The following HS2ST1 variants were observed in gnomAD, a reference collection of about 807,000 sequenced individuals.
HS2ST1 encodes 2-O-sulfotransferase.
HS2ST1 carries 18 observed loss-of-function variants against 42.9 expected under a neutral mutation model. That is an observed-to-expected ratio of 0.42 (90% CI 0.29 to 0.62). HS2ST1 has a LOEUF of 0.62. Among genes scored for constraint, HS2ST1 ranks in the 20% least tolerant of loss-of-function variants. HS2ST1 has a pLI of 0.21. For missense variants in HS2ST1, 334 were observed against 433.8 expected (o/e 0.77, Z 2.04); for synonymous variants, 146 against 152.9 (o/e 0.95, Z 0.33).
At chr1:87,038,275 G>C (rs1027816238) in intron 1 of HS2ST1, among the ~76,000 whole-genome samples, 1 of 152,022 alleles carries the variant, frequency 6.6e-6, no homozygotes, top group African/African-American at 2.4e-5. Flanking sequence ...GATGGGCAAA[G>C]TCTATCACTA....
intron 1 of HS2ST1, among the ~76,000 whole-genome samples, chr1:86,968,241 G>T (rs771867155): frequency 3.3e-5 from 5 of 152,120 alleles, no homozygotes; most frequent in Non-Finnish European, 7.4e-5. Context: ...TGGGTTGTCT[G>T]TACATTCTGA....
At chr1:87,031,021 C>G (rs1036093481) in intron 1 of HS2ST1, among the ~76,000 whole-genome samples, 2 of 152,126 alleles carry the variant, frequency 1.3e-5, no homozygotes, top group Non-Finnish European at 2.9e-5. Flanking sequence ...CTCACTGAAG[C>G]CTTGATCTCC....
intron 4 of HS2ST1, among the ~76,000 whole-genome samples, chr1:87,097,550 C>T (rs779792193): frequency 8.5e-5 from 13 of 152,114 alleles, no homozygotes; most frequent in Non-Finnish European, 1.8e-4. Context: ...CGTGCTACCA[C>T]GCCCAGCTAA....
intron 1 of HS2ST1, among the ~76,000 whole-genome samples, chr1:86,924,313 T>C (rs560923029): frequency 6.6e-6 from 1 of 152,256 alleles, no homozygotes; most frequent in African/African-American, 2.4e-5. Flanking sequence ...TGGCATTGAG[T>C]GTCTGTGGCT....
chr1:86,923,800 TC>T (rs1246235679), intron 1 of HS2ST1, among the ~76,000 whole-genome samples: 1 of 152,096 alleles, frequency 6.6e-6, no homozygotes, highest in Admixed American at 6.6e-5. Flanking sequence ...TCCCACCAGG[TC>T]CCTCCCACAA....
At chr1:87,040,537 C>T (rs999786841) in intron 1 of HS2ST1, among the ~76,000 whole-genome samples, 1 of 152,098 alleles carries the variant, frequency 6.6e-6, no homozygotes, top group African/African-American at 2.4e-5. Flanking sequence ...TTGACTCCGC[C>T]AAGGTGCTTT....
At chr1:87,060,713 G>A (rs958784085) in intron 1 of HS2ST1, among the ~76,000 whole-genome samples, 3 of 152,102 alleles carry the variant, frequency 2.0e-5, no homozygotes, top group Non-Finnish European at 4.4e-5. Context: ...ATAAAAGAAG[G>A]TTATAACTTA....
chr1:87,066,950 T>G (rs1311635810), intron 1 of HS2ST1, among the ~76,000 whole-genome samples: 1 of 152,228 alleles, frequency 6.6e-6, no homozygotes, highest in East Asian at 1.9e-4. Flanking sequence ...TGTGCCACAT[T>G]TTCTTTATCC....
chr1:87,001,500 C>T (rs1325091589), intron 1 of HS2ST1, among the ~76,000 whole-genome samples: 2 of 152,130 alleles, frequency 1.3e-5, no homozygotes, highest in Non-Finnish European at 2.9e-5. Flanking sequence ...AGACAGTTTT[C>T]CTCTGAAAAT....
intron 1 of HS2ST1, among the ~76,000 whole-genome samples, chr1:87,029,441 C>T (rs1280041721): frequency 6.6e-6 from 1 of 151,976 alleles, no homozygotes; most frequent in Non-Finnish European, 1.5e-5. Flanking sequence ...AAAATATTGT[C>T]CCAGAAATCA....
intron 1 of HS2ST1, among the ~76,000 whole-genome samples, chr1:87,051,882 T>A (rs190315927): frequency 6.6e-6 from 1 of 152,216 alleles, no homozygotes. Flanking sequence ...TGTGACTAAT[T>A]TTTAAAGATT....
At chr1:86,953,024 A>G (rs889231250) in intron 1 of HS2ST1, among the ~76,000 whole-genome samples, 2 of 152,196 alleles carry the variant, frequency 1.3e-5, no homozygotes, top group African/African-American at 2.4e-5. Context: ...TGGAAAATCT[A>G]TAGTTTATTG....
intron 1 of HS2ST1, among the ~76,000 whole-genome samples, chr1:87,053,162 G>C (rs1482917274): frequency 6.6e-6 from 1 of 152,216 alleles, no homozygotes; most frequent in African/African-American, 2.4e-5. Context: ...AGCTGGAGTT[G>C]AATCCTAGTT....
chr1:86,993,786 A>G (rs1649023610), intron 1 of HS2ST1, among the ~76,000 whole-genome samples: 1 of 152,178 alleles, frequency 6.6e-6, no homozygotes, highest in South Asian at 2.1e-4. Flanking sequence ...GGACTTGCTT[A>G]AATAGTATCT....
intron 4 of HS2ST1, 59 bp from the exon 5 acceptor site, chr1:87,097,779 T>A: frequency 6.3e-7 from 1 of 1,593,336 alleles, no homozygotes; most frequent in African/African-American, 1.3e-5. Flanking sequence ...CCACATTAGA[T>A]ATTTGATAGG....
At chr1:87,098,159 GT>G in intron 5 of HS2ST1, 1 of 964,556 alleles carries the variant, frequency 1.0e-6, no homozygotes, top group South Asian at 4.4e-5. Context: ...TGAGATGCCG[GT>G]TTTTAGTATT....
intron 1 of HS2ST1, among the ~76,000 whole-genome samples, chr1:86,970,546 G>A (rs970484181): frequency 7.2e-5 from 11 of 151,986 alleles, no homozygotes; most frequent in African/African-American, 1.9e-4. Flanking sequence ...GACTACAGGC[G>A]TGCACCACCA....
chr1:87,059,505 G>T lies in HS2ST1; in HGVS notation c.125-13429G>T, dbSNP rs1257552930. ...AATTTATAAAGAGATGAGGGATGATGAGATTAATGTCTTAATAAAGCTCAA... is the reference window on the plus strand; with the variant it reads ...AATTTATAAAGAGATGAGGGATGATTAGATTAATGTCTTAATAAAGCTCAA... On this transcript the variant is annotated intron_variant, in intron 1 of 6. Transcript: ENST00000370550. Among the ~76,000 whole-genome samples, 8 of 152,172 alleles carry T rather than the reference G, an allele frequency of 5.3e-5. No homozygotes were observed. The East Asian group carries it at 1.5e-3, about 29-fold the overall frequency.
intron 1 of HS2ST1, among the ~76,000 whole-genome samples, chr1:86,922,111 G>A (rs538715003): frequency 2.5e-4 from 38 of 149,782 alleles, no homozygotes; most frequent in Non-Finnish European, 5.5e-4. Flanking sequence ...GGATTAAAGG[G>A]GTATTTTTAA....
Sources: allele counts gnomAD v4.1 joint callset (sites outside exome capture counted in the v4.1 genomes callset), GRCh38; gene constraint gnomAD v4.1.1; transcripts MANE v1.5; gene names NCBI Gene and HGNC (gene_info 2026-07-23, HGNC 2026-07-21).